Variants in SMYD3 observed in about 807,000 individuals in gnomAD.
The protein encoded by SMYD3 is SET and MYND domain containing 3, also known as histone-lysine N-methyltransferase SMYD3.
SMYD3 carries 36 observed loss-of-function variants against 57.7 expected under a neutral mutation model. That is an observed-to-expected ratio of 0.62 (90% CI 0.48 to 0.82). The LOEUF (loss-of-function observed/expected upper bound fraction) is 0.82. SMYD3 is among the 40% of genes least tolerant of loss of function. The pLI, the probability that SMYD3 is intolerant of heterozygous loss-of-function variation, is 0.00. For missense variants in SMYD3, 515 were observed against 538.8 expected, an observed-to-expected ratio of 0.96 and a Z score of 0.44; for synonymous variants, 211 against 195.0, an observed-to-expected ratio of 1.08 and a Z score of -0.68.
At chr1:245,845,692 A>G (rs79963101) in intron 10 of SMYD3, among the ~76,000 whole-genome samples, 176 of 152,306 alleles carry the variant, frequency 1.2e-3, no homozygotes, top group African/African-American at 4.1e-3. Context: ...GCAAAGCTCA[A>G]TCCCCAGTGC....
At chr1:246,066,375 G>A (rs2148368371) in intron 5 of SMYD3, among the ~76,000 whole-genome samples, 1 of 152,162 alleles carries the variant, frequency 6.6e-6, no homozygotes, top group South Asian at 2.1e-4. Context: ...GAAAGCTGCT[G>A]AAAACTGTTT....
intron 8 of SMYD3, among the ~76,000 whole-genome samples, chr1:245,864,146 A>T (rs112398360): frequency 6.6e-6 from 1 of 152,218 alleles, no homozygotes; most frequent in Non-Finnish European, 1.5e-5. Flanking sequence ...TACACTGCAC[A>T]TGAGAATGCA....
chr1:246,083,913 T>G (rs1428333094), intron 5 of SMYD3, among the ~76,000 whole-genome samples: 1 of 152,168 alleles, frequency 6.6e-6, no homozygotes, highest in African/African-American at 2.4e-5. Flanking sequence ...AAAGACTTTA[T>G]TAGTAAAAAT....
At chr1:245,958,472 C>T (rs947958149) in intron 5 of SMYD3, among the ~76,000 whole-genome samples, 1 of 152,166 alleles carries the variant, frequency 6.6e-6, no homozygotes, top group African/African-American at 2.4e-5. Context: ...CAGGCTCTTT[C>T]ATTCGTGTGA....
intron 5 of SMYD3, among the ~76,000 whole-genome samples, chr1:246,176,338 T>C (rs2062433570): frequency 6.6e-6 from 1 of 152,346 alleles, no homozygotes. Context: ...AGAAGGACTA[T>C]ATTTAGCTCT....
intron 5 of SMYD3, among the ~76,000 whole-genome samples, chr1:246,144,617 G>C (rs1449272828): frequency 6.6e-6 from 1 of 152,064 alleles, no homozygotes; most frequent in Non-Finnish European, 1.5e-5. Context: ...TCCAGTCAGA[G>C]TCCTTGTTAA....
chr1:245,864,960 T>A (rs1435251536), intron 8 of SMYD3, among the ~76,000 whole-genome samples: 1 of 152,164 alleles, frequency 6.6e-6, no homozygotes, highest in African/African-American at 2.4e-5. Flanking sequence ...AATTATGAGC[T>A]ACCATGTATG....
intron 10 of SMYD3, among the ~76,000 whole-genome samples, chr1:245,801,640 G>T (rs936949441): frequency 1.3e-5 from 2 of 151,164 alleles, no homozygotes; most frequent in Non-Finnish European, 2.9e-5. Flanking sequence ...TTATTGTAAA[G>T]AATTAATGAG....
At chr1:246,134,292 A>C (rs1235689220) in intron 5 of SMYD3, among the ~76,000 whole-genome samples, 1 of 152,126 alleles carries the variant, frequency 6.6e-6, no homozygotes, top group African/African-American at 2.4e-5. Context: ...TTCCAACCTA[A>C]GCTCCACTTC....
chr1:246,205,788 C>T (rs1459941286), intron 5 of SMYD3, among the ~76,000 whole-genome samples: 4 of 152,144 alleles, frequency 2.6e-5, no homozygotes, highest in African/African-American at 4.8e-5. Flanking sequence ...CACTGCACTC[C>T]AGCCTGGGTG....
intron 5 of SMYD3, among the ~76,000 whole-genome samples, chr1:246,315,219 A>T (rs1162611915): frequency 6.6e-6 from 1 of 152,196 alleles, no homozygotes; most frequent in Non-Finnish European, 1.5e-5. Context: ...GGGACACATG[A>T]CCTATTTTCA....
At chr1:246,050,681 C>T (rs1164554801) in intron 5 of SMYD3, among the ~76,000 whole-genome samples, 2 of 152,044 alleles carry the variant, frequency 1.3e-5, no homozygotes, top group Admixed American at 6.5e-5. Context: ...CTGAGACTGC[C>T]GGAAGATTTT....
chr1:246,145,915 T>C (rs1026016923), intron 5 of SMYD3, among the ~76,000 whole-genome samples: 2 of 152,028 alleles, frequency 1.3e-5, no homozygotes, highest in African/African-American at 4.8e-5. Flanking sequence ...TATTAAGGAG[T>C]AGAGGAAGGA....
chr1:246,123,304 A>G (rs1215888367), intron 5 of SMYD3, among the ~76,000 whole-genome samples: 8 of 152,192 alleles, frequency 5.3e-5, no homozygotes, highest in Admixed American at 5.2e-4. Context: ...ATGGTGGCTC[A>G]CGCCTGTCAT....
intron 5 of SMYD3, among the ~76,000 whole-genome samples, chr1:246,091,743 A>T (rs2060827237): frequency 6.6e-6 from 1 of 152,232 alleles, no homozygotes; most frequent in Non-Finnish European, 1.5e-5. Flanking sequence ...AATGAGCTAA[A>T]TATAGTGCCG....
chr1:246,444,260 G>C (rs1191292851), intron 1 of SMYD3, among the ~76,000 whole-genome samples: 4 of 152,184 alleles, frequency 2.6e-5, no homozygotes, highest in Middle Eastern at 6.8e-3. Context: ...CAAGTAGTTG[G>C]GATTACAGGC....
chr1:246,291,322 T>C (rs1379223520), intron 5 of SMYD3, among the ~76,000 whole-genome samples: 1 of 152,224 alleles, frequency 6.6e-6, no homozygotes, highest in Non-Finnish European at 1.5e-5. Context: ...GAGAGTGAGC[T>C]AAGAGTTGCA....
chr1:245,986,331 G>A (rs963758361), intron 5 of SMYD3, among the ~76,000 whole-genome samples: 4 of 152,200 alleles, frequency 2.6e-5, no homozygotes, highest in Non-Finnish European at 2.9e-5. Flanking sequence ...GAAGGGAGCT[G>A]AGGGAAGCAG....
intron 5 of SMYD3, among the ~76,000 whole-genome samples, chr1:246,005,452 C>T (rs1412354398): frequency 6.6e-6 from 1 of 152,208 alleles, no homozygotes; most frequent in African/African-American, 2.4e-5. Flanking sequence ...GGCAACTTCC[C>T]TGAACATTGG....
Sources: gnomAD v4.1 joint callset for allele counts (sites outside exome capture counted in the v4.1 genomes callset) on GRCh38, gnomAD v4.1.1 for gene constraint, MANE v1.5 for transcripts, NCBI Gene and HGNC (gene_info 2026-07-23, HGNC 2026-07-21) for gene names.